The following CHN1 variants were observed in gnomAD, a reference collection of about 807,000 sequenced individuals.
CHN1 encodes N-chimaerin.
A neutral mutation model predicts 59.5 loss-of-function variants in CHN1; 37 were observed. The ratio of observed to expected loss-of-function variants is 0.62; its 90% CI spans 0.48 to 0.82. The LOEUF is 0.82. Ranked by LOEUF, CHN1 falls within the 40% of genes least tolerant of loss-of-function variation. The pLI is 0.00. For missense variants in CHN1, 469 were observed against 571.0 expected (o/e 0.82, Z 1.82); for synonymous variants, 206 against 200.4 (o/e 1.03, Z -0.24).
intron 6 of CHN1, among the ~76,000 whole-genome samples, chr2:174,850,848 C>T (rs1422692078): frequency 2.6e-5 from 4 of 152,178 alleles, no homozygotes; most frequent in Admixed American, 2.0e-4. Context: ...AAAGGAGATA[C>T]TCAGTATTGT....
intron 11 of CHN1, among the ~76,000 whole-genome samples, chr2:174,802,690 G>A (rs1360193849): frequency 6.6e-6 from 1 of 152,190 alleles, no homozygotes; most frequent in African/African-American, 2.4e-5. Flanking sequence ...TCTCAAAAAA[G>A]AGCACCACAG....
At chr2:174,996,507 G>A (rs995413600) in intron 1 of CHN1, among the ~76,000 whole-genome samples, 9 of 152,142 alleles carry the variant, frequency 5.9e-5, no homozygotes, top group African/African-American at 2.2e-4. Flanking sequence ...TTCCTGCACA[G>A]ATGGGATAAG....
At chr2:174,855,343 G>C (rs986673054) in intron 6 of CHN1, among the ~76,000 whole-genome samples, 1 of 152,140 alleles carries the variant, frequency 6.6e-6, no homozygotes, top group Non-Finnish European at 1.5e-5. Context: ...CGATTGGGAA[G>C]GTGCTGAGTA....
At chr2:174,823,613 A>T (rs1685576091) in intron 8 of CHN1, among the ~76,000 whole-genome samples, 1 of 151,856 alleles carries the variant, frequency 6.6e-6, no homozygotes, top group South Asian at 2.1e-4. Flanking sequence ...CAGTGAGCCG[A>T]GATCGCGCTA....
chr2:174,802,296 TG>T (rs1684749558), intron 11 of CHN1, among the ~76,000 whole-genome samples: 1 of 152,244 alleles, frequency 6.6e-6, no homozygotes, highest in Non-Finnish European at 1.5e-5. Context: ...TCTTATTAAT[TG>T]ATATTCATAC....
chr2:174,834,891 T>C (rs1383422871), intron 7 of CHN1, among the ~76,000 whole-genome samples: 2 of 152,160 alleles, frequency 1.3e-5, no homozygotes, highest in African/African-American at 4.8e-5. Flanking sequence ...TATAAACACA[T>C]TATGAAGCTG....
chr2:174,900,916 G>A (rs1331809069), intron 5 of CHN1, among the ~76,000 whole-genome samples: 4 of 151,990 alleles, frequency 2.6e-5, no homozygotes, highest in Non-Finnish European at 4.4e-5. Flanking sequence ...AAGATTCACT[G>A]AAGTGTAACC....
intron 8 of CHN1, among the ~76,000 whole-genome samples, chr2:174,815,112 C>G (rs1430523341): frequency 1.3e-5 from 2 of 152,158 alleles, no homozygotes; most frequent in Non-Finnish European, 2.9e-5. Flanking sequence ...CATAGTGGCT[C>G]ACACCTATAA....
At chr2:174,814,970 C>T (rs537577942) in intron 8 of CHN1, among the ~76,000 whole-genome samples, 3 of 150,790 alleles carry the variant, frequency 2.0e-5, no homozygotes, top group African/African-American at 4.9e-5. Flanking sequence ...TTTTTTTTTT[C>T]AAATATTTTT....
chr2:174,817,392 C>T (rs139894077), intron 8 of CHN1, among the ~76,000 whole-genome samples: 1 of 151,298 alleles, frequency 6.6e-6, no homozygotes, highest in African/African-American at 2.4e-5. Context: ...GATGCATGCA[C>T]ATAAAACATC....
chr2:174,992,606 TG>T (rs1372168591), intron 1 of CHN1, among the ~76,000 whole-genome samples: 1 of 152,250 alleles, frequency 6.6e-6, no homozygotes, highest in African/African-American at 2.4e-5. Context: ...CACTTCCAGT[TG>T]ATCAGAAGCA....
Position 174,837,522 on chromosome 2 carries a change from T to G in CHN1, c.627+9358A>C, listed in dbSNP as rs6714341. On this transcript the variant is annotated intron_variant, in intron 7 of 12. Transcript: ENST00000409900. ...TTAATTTTTAAGTCTGGATAATACC[T>G]TACAAAACACGCCAGTTCTATTTTT... Among the ~76,000 whole-genome samples, 504 of 152,274 alleles carry G rather than the reference T, an allele frequency of 3.3e-3. 4 individuals are homozygous for G. The highest frequency in any genetic ancestry group is 0.012 in the African/African-American group (488 of 41,542).
At chr2:174,940,580 T>G (rs1437674251) in intron 3 of CHN1, among the ~76,000 whole-genome samples, 1 of 152,188 alleles carries the variant, frequency 6.6e-6, no homozygotes, top group Admixed American at 6.5e-5. Flanking sequence ...AGGGCAGATG[T>G]CTTATGGAAG....
chr2:174,880,950 G>T (rs1033570653), intron 5 of CHN1, among the ~76,000 whole-genome samples: 4 of 151,682 alleles, frequency 2.6e-5, no homozygotes, highest in Admixed American at 6.6e-5. Flanking sequence ...GGAGGCTGAG[G>T]CAGGAGAATT....
At chr2:174,980,030 G>A (rs1691089538) in intron 1 of CHN1, among the ~76,000 whole-genome samples, 1 of 152,166 alleles carries the variant, frequency 6.6e-6, no homozygotes, top group Non-Finnish European at 1.5e-5. Context: ...AGGAGAAGTT[G>A]TTAAAGTCCT....
At chr2:174,886,898 A>G (rs1235891294) in intron 5 of CHN1, among the ~76,000 whole-genome samples, 1 of 152,214 alleles carries the variant, frequency 6.6e-6, no homozygotes, top group Non-Finnish European at 1.5e-5. Context: ...CAAGTGCACA[A>G]TTCAATGAGT....
At chr2:174,995,142 T>C (rs1691666544) in intron 1 of CHN1, among the ~76,000 whole-genome samples, 1 of 152,222 alleles carries the variant, frequency 6.6e-6, no homozygotes, top group African/African-American at 2.4e-5. Context: ...ATTGAGTACC[T>C]ATTATGTGCC....
chr2:174,915,376 G>A, intron 4 of CHN1: 1 of 549,780 alleles, frequency 1.8e-6, no homozygotes, highest in Admixed American at 3.0e-5. Context: ...GATAAGAACA[G>A]CACCAAAGTA....
intron 11 of CHN1, among the ~76,000 whole-genome samples, chr2:174,805,262 T>A (rs887102198): frequency 6.6e-6 from 1 of 152,226 alleles, no homozygotes; most frequent in Non-Finnish European, 1.5e-5. Flanking sequence ...AAGCAGTGAG[T>A]GAGCCTTGCA....
Sources: allele counts gnomAD v4.1 joint callset (sites outside exome capture counted in the v4.1 genomes callset), GRCh38; gene constraint gnomAD v4.1.1; transcripts MANE v1.5; gene names NCBI Gene and HGNC (gene_info 2026-07-23, HGNC 2026-07-21).